CDH18: variants seen among roughly 807,000 people sequenced by gnomAD.
CDH18 encodes the protein cadherin 18, also known as cadherin-18.
In CDH18, 31 loss-of-function variants were observed where a neutral mutation model predicts 67.9. The observed-to-expected ratio is 0.46, with a 90% confidence interval of 0.34 to 0.62. The LOEUF is 0.62. Among genes scored for constraint, CDH18 ranks in the 20% least tolerant of loss-of-function variants. CDH18 has a pLI of 0.01. For synonymous variants in CDH18, 362 were observed against 347.2 expected, an observed-to-expected ratio of 1.04 and a Z score of -0.48; for missense variants, 890 against 975.5, an observed-to-expected ratio of 0.91 and a Z score of 1.17.
intron 8 of CDH18, among the ~76,000 whole-genome samples, chr5:19,564,835 C>G (rs939000307): frequency 4.7e-5 from 7 of 150,328 alleles, no homozygotes; most frequent in African/African-American, 1.5e-4. Flanking sequence ...AGCTAACTGC[C>G]CTGAAGGAAG....
intron 5 of CDH18, among the ~76,000 whole-genome samples, chr5:19,709,088 A>C (rs1764360574): frequency 6.6e-6 from 1 of 152,258 alleles, no homozygotes; most frequent in East Asian, 1.9e-4. Flanking sequence ...CCCATGAACC[A>C]ATCACTTGCC....
At chr5:20,238,923 C>T (rs2126536390) in intron 2 of CDH18, among the ~76,000 whole-genome samples, 2 of 152,200 alleles carry the variant, frequency 1.3e-5, no homozygotes, top group East Asian at 3.9e-4. Context: ...GTTTATTTAT[C>T]ATGGGAAAAA....
intron 1 of CDH18, among the ~76,000 whole-genome samples, chr5:20,268,614 C>G (rs1012410526): frequency 2.6e-5 from 4 of 152,092 alleles, no homozygotes; most frequent in Non-Finnish European, 5.9e-5. Context: ...ATCTTCCCAA[C>G]TACTTGGGAG....
intron 6 of CDH18, among the ~76,000 whole-genome samples, chr5:19,594,765 T>C (rs747807316): frequency 5.9e-5 from 9 of 152,160 alleles, no homozygotes; most frequent in Non-Finnish European, 1.3e-4. Flanking sequence ...TGGATTTTGA[T>C]AGGGATTTTA....
Position 20,244,817 on chromosome 5 carries a change from G to T in CDH18, c.-518+10627C>A, listed in dbSNP as rs116488441. Among the ~76,000 whole-genome samples, 156 of 152,132 alleles carry T rather than the reference G, an allele frequency of 1.0e-3. 1 individual carries two copies. The highest frequency in any genetic ancestry group is 3.6e-3 in the African/African-American group (150 of 41,550). ...ATTCAACTTGAAAAATTATATGCCA[G>T]TAAGATAAATAAAGATCCTAGTGAA... On this transcript the variant is annotated intron_variant, in intron 2 of 14. Transcript: ENST00000507958.
chr5:20,425,317 G>A (rs981790902), intron 1 of CDH18, among the ~76,000 whole-genome samples: 1 of 150,756 alleles, frequency 6.6e-6, no homozygotes, highest in Non-Finnish European at 1.5e-5. Context: ...GTTGCAGTAA[G>A]CCAAGATTGC....
chr5:19,968,457 AG>A (rs1797693195), intron 2 of CDH18, among the ~76,000 whole-genome samples: 1 of 152,174 alleles, frequency 6.6e-6, no homozygotes, highest in Non-Finnish European at 1.5e-5. Context: ...ACAAGGCTAC[AG>A]TAACCAAAAT....
chr5:20,094,128 A>T (rs957715890), intron 2 of CDH18, among the ~76,000 whole-genome samples: 1 of 152,160 alleles, frequency 6.6e-6, no homozygotes, highest in African/African-American at 2.4e-5. Context: ...ACAAAATGAG[A>T]TTTAAATTAA....
At chr5:20,305,735 G>A (rs1178574126) in intron 1 of CDH18, 1 of 361,126 alleles carries the variant, frequency 2.8e-6, no homozygotes, top group Non-Finnish European at 5.1e-6. Context: ...GACCGCTGTG[G>A]GAACCGCGCC....
chr5:19,898,480 G>T (rs950470844), intron 2 of CDH18, among the ~76,000 whole-genome samples: 1 of 151,882 alleles, frequency 6.6e-6, no homozygotes, highest in African/African-American at 2.4e-5. Flanking sequence ...CATTTAGAGA[G>T]ATTCATCCAG....
chr5:19,989,760 GA>G (rs1378518875), upstream of CDH18, among the ~76,000 whole-genome samples: 1 of 152,148 alleles, frequency 6.6e-6, no homozygotes, highest in African/African-American at 2.4e-5. Flanking sequence ...GTGAAATGTG[GA>G]AGGATTTAAT....
chr5:19,688,747 T>C (rs964420528), intron 5 of CDH18, among the ~76,000 whole-genome samples: 1 of 151,660 alleles, frequency 6.6e-6, no homozygotes, highest in Non-Finnish European at 1.5e-5. Flanking sequence ...ATTAAAGAAG[T>C]TCCATGAAAA....
chr5:19,764,005 A>AAT (rs2149713778), intron 3 of CDH18, among the ~76,000 whole-genome samples: 1 of 146,902 alleles, frequency 6.8e-6, no homozygotes, highest in African/African-American at 2.5e-5. Context: ...AAAAAAAAAA[A>AAT]AAAAAAAAAA....
chr5:20,521,887 GA>G (rs1000510940), intron 1 of CDH18, among the ~76,000 whole-genome samples: 11 of 151,330 alleles, frequency 7.3e-5, no homozygotes, highest in South Asian at 2.1e-4. Context: ...AATAAAACCT[GA>G]AAAAAAACCC....
chr5:19,559,364 T>C (rs1390298434), intron 8 of CDH18, among the ~76,000 whole-genome samples: 1 of 151,978 alleles, frequency 6.6e-6, no homozygotes, highest in African/African-American at 2.4e-5. Flanking sequence ...GCAGGTATGG[T>C]TTAATATCCA....
chr5:20,305,642 C>A, intron 1 of CDH18: 1 of 327,268 alleles, frequency 3.1e-6, no homozygotes. Context: ...ACGCCATGTC[C>A]GGGGGGTGGG....
At chr5:20,048,443 C>T (rs1741099855) in intron 2 of CDH18, among the ~76,000 whole-genome samples, 1 of 151,756 alleles carries the variant, frequency 6.6e-6, no homozygotes, top group Non-Finnish European at 1.5e-5. Flanking sequence ...TAAGTTCCTA[C>T]TACATCTCTA....
At chr5:19,621,460 T>C (rs1196112268) in intron 5 of CDH18, among the ~76,000 whole-genome samples, 3 of 152,124 alleles carry the variant, frequency 2.0e-5, no homozygotes, top group East Asian at 1.9e-4. Context: ...TTTATATACC[T>C]GTTGTCCACA....
intron 1 of CDH18, among the ~76,000 whole-genome samples, chr5:20,528,953 A>G (rs1446072786): frequency 7.6e-6 from 1 of 131,364 alleles, no homozygotes; most frequent in East Asian, 2.6e-4. Flanking sequence ...TGAATCCAGG[A>G]GCTGGTTTTG....
Sources: gnomAD v4.1 joint callset for allele counts (sites outside exome capture counted in the v4.1 genomes callset) on GRCh38, gnomAD v4.1.1 for gene constraint, MANE v1.5 for transcripts, NCBI Gene and HGNC (gene_info 2026-07-23, HGNC 2026-07-21) for gene names.